MTUS2: variants seen among roughly 807,000 people sequenced by gnomAD.
MTUS2 encodes microtubule associated scaffold protein 2, also known as microtubule-associated tumor suppressor candidate 2.
In MTUS2, 40 loss-of-function variants were observed where a neutral mutation model predicts 114.1. The observed-to-expected ratio is 0.35, with a 90% confidence interval of 0.27 to 0.46. MTUS2 has a LOEUF of 0.46. Ranked by LOEUF, MTUS2 falls within the 20% of genes least tolerant of loss-of-function variation. The pLI is 1.00. For missense variants in MTUS2, 1,679 were observed against 1,705.4 expected (o/e 0.98, Z 0.27); for synonymous variants, 688 against 672.0 (o/e 1.02, Z -0.37).
At chr13:29,386,123 T>C (rs184209812) in intron 8 of MTUS2, among the ~76,000 whole-genome samples, 2 of 152,330 alleles carry the variant, frequency 1.3e-5, no homozygotes, top group African/African-American at 4.8e-5. Flanking sequence ...CCATGCAAAG[T>C]GTCAAGGTAT....
chr13:29,247,350 G>T (rs953432140), intron 5 of MTUS2, among the ~76,000 whole-genome samples: 2 of 152,132 alleles, frequency 1.3e-5, no homozygotes, highest in Non-Finnish European at 2.9e-5. Flanking sequence ...ATTGGCTTAG[G>T]CAAATACTTC....
chr13:29,491,831 TGGTA>T (rs1171368927), intron 11 of MTUS2, among the ~76,000 whole-genome samples: 1 of 144,752 alleles, frequency 6.9e-6, no homozygotes, highest in African/African-American at 2.6e-5. Flanking sequence ...TGTGTGTGTG[TGGTA>T]GGTGTGTGTG....
At chr13:29,306,210 G>A (rs934515426) in intron 6 of MTUS2, among the ~76,000 whole-genome samples, 7 of 152,142 alleles carry the variant, frequency 4.6e-5, no homozygotes, top group Non-Finnish European at 1.0e-4. Context: ...TAGAAGCATT[G>A]TTCTTGAAAA....
chr13:29,445,130 C>T lies in MTUS2; in HGVS notation c.3184+5081C>T, dbSNP rs973998990. On this transcript the variant is annotated intron_variant, in intron 9 of 15. Coordinates refer to ENST00000612955, the MANE Select transcript of MTUS2 (RefSeq NM_001033602.4). Reference sequence around the variant, plus strand: ...CAGAGACTTGACTTGTGTCCTCACACACTGGAAGATAATCTCCAATAGTTT... The same window carrying T: ...CAGAGACTTGACTTGTGTCCTCACATACTGGAAGATAATCTCCAATAGTTT... Among the ~76,000 whole-genome samples the T allele has an allele frequency of 1.2e-4, 18 of 152,370 alleles. 1 individual carries two copies. The highest frequency in any genetic ancestry group is 4.3e-4 in the African/African-American group (18 of 41,590).
At chr13:28,964,156 C>G (rs550160329) in intron 2 of MTUS2, among the ~76,000 whole-genome samples, 1 of 152,310 alleles carries the variant, frequency 6.6e-6, no homozygotes, top group African/African-American at 2.4e-5. Context: ...ATTAACATTG[C>G]CAAAGTAGTT....
rs71427266 is a variant in MTUS2 at position 29,407,118 on chromosome 13, C to T, written c.3118-32865C>T. On this transcript the variant is annotated intron_variant, in intron 8 of 15. Transcript: ENST00000612955. ...AAAATTAGCCAGGCGTGGTGGTGGG[C>T]GCCTGTAATCCCAGCTACTCTAGAG... Among the ~76,000 whole-genome samples the T allele has an allele frequency of 7.2e-5, 11 of 152,196 alleles. No homozygotes were observed. The East Asian group carries it at 2.1e-3, about 30-fold the overall frequency.
chr13:29,167,210 T>TA (rs888676093), intron 5 of MTUS2, among the ~76,000 whole-genome samples: 6 of 152,142 alleles, frequency 3.9e-5, no homozygotes, highest in African/African-American at 1.2e-4. Flanking sequence ...TTGTTTCTAC[T>TA]AAAAAATACA....
rs370594661 is a variant in MTUS2 at position 29,025,652 on chromosome 13, G to A, written c.954G>A (p.Arg318=). ...TGGATCTGAAATATGTTCCTCCCAG[G>A]AGAGTTGAACAGGAGGGAAAGGCAG... ...AKLDLKYVPP[R]RVEQEGKAAQ... The change falls in exon 3 of 16, where the codon AGG becomes AGA. Residue 318 remains arginine (R), a synonymous_variant. Transcript: ENST00000612955. The A allele has an allele frequency of 3.6e-5, 58 of 1,613,918 alleles. No individual in the cohort carries two copies. Among genetic ancestry groups the A allele is most frequent in the Non-Finnish European group, 2.5e-6 (3 of 1,179,906 alleles).
chr13:29,209,295 C>T (rs922896475), intron 5 of MTUS2, among the ~76,000 whole-genome samples: 12 of 152,140 alleles, frequency 7.9e-5, no homozygotes, highest in Non-Finnish European at 1.8e-4. Flanking sequence ...CCACCCCCTA[C>T]CTTAAGTTGA....
intron 7 of MTUS2, among the ~76,000 whole-genome samples, chr13:29,328,466 A>G (rs537278786): frequency 6.6e-6 from 1 of 152,362 alleles, no homozygotes; most frequent in East Asian, 1.9e-4. Context: ...GGGAGATCAT[A>G]GGTGGGTTTT....
At chr13:28,998,581 T>C (rs1885229800) in intron 2 of MTUS2, among the ~76,000 whole-genome samples, 1 of 152,220 alleles carries the variant, frequency 6.6e-6, no homozygotes. Context: ...TTGGAGGCTT[T>C]ATTCATTTCT....
intron 6 of MTUS2, among the ~76,000 whole-genome samples, chr13:29,300,966 T>G (rs1899177497): frequency 6.6e-6 from 1 of 152,226 alleles, no homozygotes; most frequent in Non-Finnish European, 1.5e-5. Flanking sequence ...CAAATGCCAG[T>G]CATCAATTCT....
chr13:29,313,233 G>A (rs1025032419), intron 6 of MTUS2, among the ~76,000 whole-genome samples: 1 of 152,104 alleles, frequency 6.6e-6, no homozygotes, highest in Admixed American at 6.5e-5. Context: ...TGTGAATTAC[G>A]AAGTTGCAGT....
chr13:29,132,515 C>G (rs4590984), intron 5 of MTUS2, among the ~76,000 whole-genome samples: 47,051 of 151,990 alleles, frequency 0.31, 7,690 homozygotes, highest in Middle Eastern at 0.35. Flanking sequence ...CTGCATTTCC[C>G]CCAACCCTCC....
intron 5 of MTUS2, among the ~76,000 whole-genome samples, chr13:29,180,820 C>G (rs1454870811): frequency 6.6e-6 from 1 of 152,116 alleles, no homozygotes; most frequent in Non-Finnish European, 1.5e-5. Flanking sequence ...CCGGGGTAGC[C>G]TTTGGCCTCA....
chr13:28,860,179 C>T (rs1172602186), intron 2 of MTUS2, among the ~76,000 whole-genome samples: 1 of 152,116 alleles, frequency 6.6e-6, no homozygotes, highest in Non-Finnish European at 1.5e-5. Flanking sequence ...GAGGGTCGTC[C>T]TCCCTTAAAC....
At chr13:29,133,190 G>C (rs1364870120) in intron 5 of MTUS2, among the ~76,000 whole-genome samples, 2 of 151,950 alleles carry the variant, frequency 1.3e-5, no homozygotes, top group African/African-American at 4.8e-5. Context: ...CCAGTCCTTT[G>C]CCTGTTTTTG....
intron 5 of MTUS2, among the ~76,000 whole-genome samples, chr13:29,172,713 A>G (rs1054349432): frequency 6.6e-6 from 1 of 152,208 alleles, no homozygotes; most frequent in Non-Finnish European, 1.5e-5. Context: ...AGTATCTACC[A>G]AAGGCCAGGA....
rs1372376001 is a variant in MTUS2, at chr13:29,344,838, CT to C, written c.2906-14422del. On this transcript the variant is annotated intron_variant, in intron 7 of 15. Transcript: ENST00000612955. ...AAGATTTATAACTCCCTTTAGCAAT[CT>C]TGTAGTTCTGGCCTGGTAGTGGCAA... is the stretch of plus-strand genomic sequence containing the variant. 1.3e-5 allele frequency among the ~76,000 whole-genome samples: 2 copies of C among 152,110 alleles called. 1 individual carries two copies. The highest frequency in any genetic ancestry group is 3.9e-4 in the East Asian group (2 of 5,186).
Sources: gnomAD v4.1 joint callset for allele counts (sites outside exome capture counted in the v4.1 genomes callset) on GRCh38, gnomAD v4.1.1 for gene constraint, MANE v1.5 for transcripts, NCBI Gene and HGNC (gene_info 2026-07-23, HGNC 2026-07-21) for gene names.